The following CFAP58 variants were observed in gnomAD, a reference collection of about 807,000 sequenced individuals.
The protein encoded by CFAP58 is cilia- and flagella-associated protein 58.
CFAP58 carries 88 observed loss-of-function variants against 119.5 expected under a neutral mutation model. That is an observed-to-expected ratio of 0.74 (90% CI 0.62 to 0.88). The LOEUF (loss-of-function observed/expected upper bound fraction) is 0.88. Ranked by LOEUF, CFAP58 falls within the 40% of genes least tolerant of loss-of-function variation. The pLI, the probability that CFAP58 is intolerant of heterozygous loss-of-function variation, is 0.00. For synonymous variants in CFAP58, 365 were observed against 366.3 expected (o/e 1.00, Z 0.04); for missense variants, 990 against 1,021.2 (o/e 0.97, Z 0.42).
chr10:104,367,935 A>G (rs1018687802), intron 5 of CFAP58, among the ~76,000 whole-genome samples: 5 of 152,244 alleles, frequency 3.3e-5, no homozygotes, highest in African/African-American at 7.2e-5. Context: ...CTTAAGTTAG[A>G]TTAAAAGAAA....
intron 8 of CFAP58, among the ~76,000 whole-genome samples, chr10:104,377,664 G>C (rs546742758): frequency 2.3e-4 from 35 of 152,302 alleles, no homozygotes; most frequent in Middle Eastern, 3.4e-3. Flanking sequence ...CCACGGCCAA[G>C]ACAGTTTCAT....
chr10:104,363,066 C>G (rs1429278922), intron 3 of CFAP58, among the ~76,000 whole-genome samples: 2 of 152,324 alleles, frequency 1.3e-5, no homozygotes, highest in African/African-American at 4.8e-5. Flanking sequence ...ACTTCATCAC[C>G]ATCAGCATCA....
intron 15 of CFAP58, among the ~76,000 whole-genome samples, chr10:104,417,199 G>A (rs142049871): frequency 1.6e-3 from 251 of 152,344 alleles, no homozygotes; most frequent in African/African-American, 5.1e-3. Flanking sequence ...GTGGGCCCAG[G>A]ATGGAACCCC....
chr10:104,442,867 A>G (rs981149031), intron 15 of CFAP58, among the ~76,000 whole-genome samples: 2 of 152,250 alleles, frequency 1.3e-5, no homozygotes, highest in African/African-American at 4.8e-5. Context: ...GACCAGCTCA[A>G]TAAAGTGAAT....
At position 104,376,205 on chromosome 10, in the gene CFAP58, G is replaced by A. The variant is rs961429428; in HGVS notation, c.1091-606G>A. On this transcript the variant is annotated intron_variant, in intron 7 of 17. Transcript: ENST00000369704. ...AGAGTCAGATTGGAAAGTAAGTCATGATATACAGCGTTAAATAAAACCCAT... is the reference window on the plus strand; with the variant it reads ...AGAGTCAGATTGGAAAGTAAGTCATAATATACAGCGTTAAATAAAACCCAT... Among the ~76,000 whole-genome samples, 7 of 152,012 alleles carry A rather than the reference G, an allele frequency of 4.6e-5. 1 individual carries two copies. The highest frequency in any genetic ancestry group is 7.3e-5 in the African/African-American group (3 of 41,376).
At chr10:104,342,455 G>GGCT in the CFAP58 span, among the ~76,000 whole-genome samples, 10 of 152,070 alleles carry the variant, frequency 6.6e-5, no homozygotes, top group Non-Finnish European at 1.5e-4. Flanking sequence ...GCTTGTTTAT[G>GGCT]TGTATACATG....
chr10:104,393,400 C>T lies in CFAP58; in HGVS notation c.1599C>T (p.Ile533=), dbSNP rs780990612. ...IHQVDELKED[I]SAKESALVKL... ...AGGTAGATGAGCTGAAAGAAGACATCTCTGCCAAAGAGTCCGCACTTGTGA... is the reference window on the plus strand; with the variant it reads ...AGGTAGATGAGCTGAAAGAAGACATTTCTGCCAAAGAGTCCGCACTTGTGA... Residue 533 remains isoleucine, a synonymous_variant, in exon 11 of 18, where the codon ATC becomes ATT. Coordinates refer to ENST00000369704, the MANE Select transcript of CFAP58 (RefSeq NM_001008723.2). 1.9e-6 allele frequency: 3 copies of T among 1,614,044 alleles called. No homozygotes were observed. Among genetic ancestry groups the T allele is most frequent in the Non-Finnish European group, 2.5e-6 (3 of 1,179,954 alleles).
At chr10:104,400,256 C>T (rs2012237943) in intron 12 of CFAP58, among the ~76,000 whole-genome samples, 1 of 152,124 alleles carries the variant, frequency 6.6e-6, no homozygotes, top group Non-Finnish European at 1.5e-5. Context: ...CAGTGATCCT[C>T]CCACCTCAGC....
intron 17 of CFAP58, 66 bp downstream of exon 17, chr10:104,450,270 G>A: frequency 1.9e-6 from 3 of 1,550,744 alleles, no homozygotes; most frequent in Non-Finnish European, 8.8e-7. Context: ...AATATTTGGT[G>A]AACAGTCACA....
At chr10:104,356,245 G>T (rs1204282753) in intron 1 of CFAP58, among the ~76,000 whole-genome samples, 1 of 152,190 alleles carries the variant, frequency 6.6e-6, no homozygotes, top group African/African-American at 2.4e-5. Flanking sequence ...TGTTTTGCTT[G>T]CATGTCATCG....
chr10:104,362,816 T>C (rs1333731536), intron 3 of CFAP58, among the ~76,000 whole-genome samples: 1 of 152,160 alleles, frequency 6.6e-6, no homozygotes, highest in Admixed American at 6.5e-5. Flanking sequence ...ATCCCCAGCA[T>C]AAACACTTTC....
At chr10:104,393,577 G>A (rs1173606521) in intron 11 of CFAP58, 102 bp downstream of exon 11, 7 of 1,125,626 alleles carry the variant, frequency 6.2e-6, no homozygotes, top group African/African-American at 4.7e-5. Flanking sequence ...GAACAACCAC[G>A]CCTGCCTGTG....
At chr10:104,424,584 T>G (rs756502397) in intron 15 of CFAP58, among the ~76,000 whole-genome samples, 1 of 152,168 alleles carries the variant, frequency 6.6e-6, no homozygotes, top group Non-Finnish European at 1.5e-5. Context: ...TTGAGAAGAT[T>G]TCTGGGTATT....
At chr10:104,364,221 C>T (rs2014709801) in intron 3 of CFAP58, among the ~76,000 whole-genome samples, 2 of 152,106 alleles carry the variant, frequency 1.3e-5, no homozygotes, top group South Asian at 4.1e-4. Flanking sequence ...TCATAGCCCT[C>T]CAGTGGATAT....
intron 17 of CFAP58, among the ~76,000 whole-genome samples, chr10:104,452,826 G>A (rs2013216420): frequency 6.6e-6 from 1 of 152,218 alleles, no homozygotes; most frequent in Non-Finnish European, 1.5e-5. Flanking sequence ...GTCCTTACAC[G>A]CTTATTACTA....
rs1401187672 is a variant in CFAP58 at position 104,447,745 on chromosome 10, G to C, written c.2304G>C (p.Gln768His). Residue 768 changes from glutamine (Q) to histidine (H), a missense_variant, in exon 16 of 18, where the codon CAG becomes CAC. Coordinates refer to ENST00000369704, the MANE Select transcript of CFAP58 (RefSeq NM_001008723.2). ...YMELKHVLAR[Q>H]PGPEAAEQLK... ...AACTAAAGCACGTCTTGGCCCGCCAGCCTGGACCTGAGGCTGCGGAACAGC... is the reference window on the plus strand; with the variant it reads ...AACTAAAGCACGTCTTGGCCCGCCACCCTGGACCTGAGGCTGCGGAACAGC... 1 of 1,614,200 alleles carries C rather than the reference G, an allele frequency of 6.2e-7. No individual in the cohort carries two copies. The highest frequency in any genetic ancestry group is 1.1e-5 in the South Asian group (1 of 91,082).
intron 13 of CFAP58, among the ~76,000 whole-genome samples, chr10:104,402,609 G>A (rs1440600651): frequency 6.6e-6 from 1 of 152,146 alleles, no homozygotes; most frequent in East Asian, 1.9e-4. Context: ...CACTGAGGAT[G>A]GCTGTCACAT....
intron 15 of CFAP58, among the ~76,000 whole-genome samples, chr10:104,434,608 G>C (rs545249889): frequency 1.3e-5 from 2 of 152,350 alleles, no homozygotes; most frequent in East Asian, 3.9e-4. Flanking sequence ...AGATTCTAGA[G>C]AGAGAGAGTC....
intron 15 of CFAP58, among the ~76,000 whole-genome samples, chr10:104,429,730 T>C (rs2012812448): frequency 6.6e-6 from 1 of 152,238 alleles, no homozygotes; most frequent in African/African-American, 2.4e-5. Flanking sequence ...CCCTCACTTT[T>C]ATTTTTATAA....
Sources: gnomAD v4.1 joint callset for allele counts (sites outside exome capture counted in the v4.1 genomes callset) on GRCh38, gnomAD v4.1.1 for gene constraint, MANE v1.5 for transcripts, NCBI Gene and HGNC (gene_info 2026-07-23, HGNC 2026-07-21) for gene names.